PTPRD: variants seen among roughly 807,000 people sequenced by gnomAD.
The protein encoded by PTPRD is protein tyrosine phosphatase receptor type D.
In PTPRD, 34 loss-of-function variants were observed where a neutral mutation model predicts 214.5. That is an observed-to-expected ratio of 0.16 (90% confidence interval 0.12 to 0.21). PTPRD has a LOEUF of 0.21. Ranked by LOEUF, PTPRD falls within the 10% of genes least tolerant of loss-of-function variation. The probability of loss-of-function intolerance (pLI) is 1.00; values close to 1 mark genes in which losing one functional copy is unlikely to be tolerated. For missense variants in PTPRD, 2,545 were observed against 2,398.7 expected (o/e 1.06, Z -1.27); for synonymous variants, 1,128 against 845.7 (o/e 1.33, Z -5.79).
At chr9:10,197,650 G>C (rs1029288201) in intron 3 of PTPRD, among the ~76,000 whole-genome samples, 2 of 152,062 alleles carry the variant, frequency 1.3e-5, no homozygotes, top group Non-Finnish European at 2.9e-5. Context: ...AGAGATACAA[G>C]AATCAAAGAA....
intron 12 of PTPRD, among the ~76,000 whole-genome samples, chr9:8,647,392 AT>A (rs2096717642): frequency 6.6e-6 from 1 of 152,302 alleles, no homozygotes; most frequent in African/African-American, 2.4e-5. Flanking sequence ...TATTTTACAT[AT>A]TTTTTAACAA....
At chr9:10,054,571 G>T (rs2097587209) in intron 3 of PTPRD, among the ~76,000 whole-genome samples, 1 of 152,084 alleles carries the variant, frequency 6.6e-6, no homozygotes, top group African/African-American at 2.4e-5. Flanking sequence ...CCACAACCCA[G>T]AAAGGTCTTT....
chr9:10,183,400 T>C (rs1473520354), intron 3 of PTPRD, among the ~76,000 whole-genome samples: 1 of 152,214 alleles, frequency 6.6e-6, no homozygotes, highest in East Asian at 1.9e-4. Flanking sequence ...GCAAAGGAAG[T>C]GCTTAAGGAA....
intron 2 of PTPRD, among the ~76,000 whole-genome samples, chr9:10,445,487 C>CA (rs373915144): frequency 6.6e-6 from 1 of 151,878 alleles, no homozygotes; most frequent in African/African-American, 2.4e-5. Context: ...TGAAAAATGG[C>CA]AACAGAAATG....
chr9:9,487,411 T>C (rs370839359), intron 8 of PTPRD, among the ~76,000 whole-genome samples: 9 of 152,164 alleles, frequency 5.9e-5, no homozygotes, highest in African/African-American at 1.9e-4. Flanking sequence ...TATGGCTGCA[T>C]AGTATTCCAT....
intron 6 of PTPRD, among the ~76,000 whole-genome samples, chr9:9,764,074 T>C (rs569212249): frequency 6.6e-6 from 1 of 152,174 alleles, no homozygotes; most frequent in Non-Finnish European, 1.5e-5. Flanking sequence ...AATTAATGTA[T>C]TTACATGTCT....
At chr9:10,147,017 G>C (rs1023335722) in intron 3 of PTPRD, among the ~76,000 whole-genome samples, 1 of 152,034 alleles carries the variant, frequency 6.6e-6, no homozygotes, top group Non-Finnish European at 1.5e-5. Context: ...CACAGCCGAT[G>C]GAATATTCTA....
At position 10,149,394 on chromosome 9, in the gene PTPRD, A is replaced by G. The variant is rs180819934; in HGVS notation, c.-544-115604T>C. On this transcript the variant is annotated intron_variant, in intron 3 of 45. Coordinates refer to ENST00000381196, the MANE Select transcript of PTPRD (RefSeq NM_002839.4). The stretch of plus-strand genomic sequence containing the variant: ...AAAGTTTTTAAAACTTGATGATTTT[A>G]TGCATGAACAACATGAACAAATCCT... 2.6e-5 allele frequency among the ~76,000 whole-genome samples: 4 copies of G among 152,310 alleles called. No individual in the cohort carries two copies. In the East Asian group the frequency reaches 5.8e-4, roughly 22 times the overall value.
intron 6 of PTPRD, among the ~76,000 whole-genome samples, chr9:9,749,993 T>G (rs1176442403): frequency 1.3e-5 from 2 of 152,194 alleles, no homozygotes; most frequent in African/African-American, 4.8e-5. Flanking sequence ...TGCACAGCCT[T>G]CATAACAAAG....
At chr9:10,136,227 T>G (rs964907300) in intron 3 of PTPRD, among the ~76,000 whole-genome samples, 2 of 152,076 alleles carry the variant, frequency 1.3e-5, no homozygotes, top group Non-Finnish European at 2.9e-5. Context: ...GCACTCAGAT[T>G]CATAAAACAA....
intron 10 of PTPRD, among the ~76,000 whole-genome samples, chr9:9,084,190 G>A (rs2099763484): frequency 6.6e-6 from 1 of 152,122 alleles, no homozygotes; most frequent in African/African-American, 2.4e-5. Context: ...AAGAAAATGT[G>A]GCACATTTAC....
At chr9:9,644,762 C>A (rs981737398) in intron 7 of PTPRD, among the ~76,000 whole-genome samples, 11 of 152,148 alleles carry the variant, frequency 7.2e-5, no homozygotes, top group Admixed American at 5.9e-4. Flanking sequence ...CCCATAAAAA[C>A]CACAAACCCC....
intron 2 of PTPRD, among the ~76,000 whole-genome samples, chr9:10,580,595 G>C (rs1051927563): frequency 6.6e-6 from 1 of 152,106 alleles, no homozygotes; most frequent in Non-Finnish European, 1.5e-5. Context: ...GGCAGTCTAG[G>C]TGAAAGAGTA....
chr9:8,719,694 G>A (rs2098471870), intron 12 of PTPRD, among the ~76,000 whole-genome samples: 1 of 149,628 alleles, frequency 6.7e-6, no homozygotes, highest in Admixed American at 6.6e-5. Flanking sequence ...AGCTGTGATA[G>A]AGACCCACAA....
intron 11 of PTPRD, among the ~76,000 whole-genome samples, chr9:8,901,471 C>G (rs1289239225): frequency 6.6e-6 from 1 of 152,196 alleles, no homozygotes; most frequent in East Asian, 1.9e-4. Flanking sequence ...TCTATTGCCT[C>G]ACAACAGCAG....
At chr9:10,142,273 T>A (rs2098991199) in intron 3 of PTPRD, among the ~76,000 whole-genome samples, 1 of 150,736 alleles carries the variant, frequency 6.6e-6, no homozygotes, top group African/African-American at 2.4e-5. Context: ...AATTGACAAA[T>A]GGGATCTAAT....
chr9:9,010,027 G>A (rs2099501887), intron 11 of PTPRD, among the ~76,000 whole-genome samples: 2 of 152,050 alleles, frequency 1.3e-5, no homozygotes, highest in South Asian at 2.1e-4. Context: ...TGACCAGCCT[G>A]ACAAAGATGG....
At chr9:9,989,753 A>T (rs1217750440) in intron 4 of PTPRD, among the ~76,000 whole-genome samples, 1 of 152,174 alleles carries the variant, frequency 6.6e-6, no homozygotes. Flanking sequence ...GCACTGTGAC[A>T]CACACCCGCT....
chr9:10,054,825 G>A (rs540223208), intron 3 of PTPRD, among the ~76,000 whole-genome samples: 1 of 152,060 alleles, frequency 6.6e-6, no homozygotes, highest in East Asian at 1.9e-4. Flanking sequence ...AGTCATCCTG[G>A]CCCTTATAAA....
Sources: allele counts gnomAD v4.1 joint callset (sites outside exome capture counted in the v4.1 genomes callset), GRCh38; gene constraint gnomAD v4.1.1; transcripts MANE v1.5; gene names NCBI Gene and HGNC (gene_info 2026-07-23, HGNC 2026-07-21).